The following PELI2 variants were observed in gnomAD, a reference collection of about 807,000 sequenced individuals.
PELI2 encodes E3 ubiquitin-protein ligase pellino homolog 2.
A neutral mutation model predicts 42.3 loss-of-function variants in PELI2; 23 were observed. The ratio of observed to expected loss-of-function variants is 0.54; its 90% CI spans 0.39 to 0.77. The LOEUF (loss-of-function observed/expected upper bound fraction) is 0.77, where lower values mean the gene tolerates loss of function less well. Among genes scored for constraint, PELI2 ranks in the 30% least tolerant of loss-of-function variants. The pLI is 0.00. For synonymous variants in PELI2, 245 were observed against 212.2 expected (o/e 1.15, Z -1.34); for missense variants, 463 against 553.2 (o/e 0.84, Z 1.64).
chr14:56,254,829 A>G (rs1045580985), intron 2 of PELI2, among the ~76,000 whole-genome samples: 16 of 152,258 alleles, frequency 1.1e-4, no homozygotes, highest in African/African-American at 3.9e-4. Context: ...TGGGCGAAGG[A>G]TATGAACAGA....
intron 2 of PELI2, among the ~76,000 whole-genome samples, chr14:56,243,382 A>G (rs764848444): frequency 2.6e-5 from 4 of 152,122 alleles, no homozygotes; most frequent in Non-Finnish European, 5.9e-5. Context: ...ACAGGCACTG[A>G]TCTCTGCAGG....
At chr14:56,251,643 C>T (rs1343002286) in intron 2 of PELI2, among the ~76,000 whole-genome samples, 1 of 152,186 alleles carries the variant, frequency 6.6e-6, no homozygotes, top group Non-Finnish European at 1.5e-5. Context: ...CTGTTTCAGT[C>T]TCGTCATACC....
In PELI2 at chr14:56,118,642, G is replaced by C. The variant is rs1041604616; in HGVS notation, c.-19G>C. The C allele has an allele frequency of 7.3e-7, 1 of 1,376,966 alleles. No homozygotes were observed. The highest frequency in any genetic ancestry group is 3.4e-5 in the Admixed American group (1 of 29,448). The allele number at this position is 1,376,966 out of a possible 1,614,324, so 85.3% of individuals were successfully genotyped here. On this transcript the variant is annotated 5_prime_UTR_variant, in exon 1 of 6. Coordinates refer to ENST00000267460, the MANE Select transcript of PELI2 (RefSeq NM_021255.3). ...AGGCGGCGGCGTCGGCGGCGGCGTC[G>C]GCGGCCGAGCGGGGCTCCATGTTTT...
intron 2 of PELI2, among the ~76,000 whole-genome samples, chr14:56,241,770 A>C (rs1887985061): frequency 6.6e-6 from 1 of 152,176 alleles, no homozygotes; most frequent in African/African-American, 2.4e-5. Context: ...CCTAATGATA[A>C]AGCTGCACGC....
chr14:56,235,521 G>C (rs544821631), intron 2 of PELI2, among the ~76,000 whole-genome samples: 4 of 152,322 alleles, frequency 2.6e-5, no homozygotes, highest in Admixed American at 6.5e-5. Context: ...TTAGAGCCAG[G>C]CCTAGAGCTG....
At position 56,299,415 on chromosome 14, in the gene PELI2, A is replaced by G. The variant is rs780072834; in HGVS notation, c.*2249A>G. 3.9e-5 allele frequency: 6 copies of G among 152,288 alleles called. No homozygotes were observed. The highest frequency in any genetic ancestry group is 5.9e-5 in the Non-Finnish European group (4 of 68,030). The allele number at this position is 152,288 out of a possible 1,614,324, so 9.4% of individuals were successfully genotyped here. On this transcript the variant is annotated 3_prime_UTR_variant, in exon 6 of 6. Transcript: ENST00000267460. ...TTAAATATAAGTTGAAATTTGGGAA[A>G]TAATTTCCAAGCTCTTGGAAGGGGT...
chr14:56,217,329 G>T (rs1886943162), intron 2 of PELI2, among the ~76,000 whole-genome samples: 2 of 152,236 alleles, frequency 1.3e-5, no homozygotes, highest in Admixed American at 6.5e-5. Context: ...TGTCTTCTGG[G>T]AGGGGAATGG....
chr14:56,209,881 C>T (rs973495706), intron 2 of PELI2, among the ~76,000 whole-genome samples: 1 of 152,194 alleles, frequency 6.6e-6, no homozygotes, highest in African/African-American at 2.4e-5. Flanking sequence ...ATTGCTAGCG[C>T]AGCAGGGTCA....
chr14:56,255,630 T>C (rs1477487940), intron 2 of PELI2, among the ~76,000 whole-genome samples: 2 of 152,122 alleles, frequency 1.3e-5, no homozygotes, highest in Non-Finnish European at 2.9e-5. Flanking sequence ...ACCTAAAGTA[T>C]AATTTTTTAA....
intron 2 of PELI2, among the ~76,000 whole-genome samples, chr14:56,272,187 G>A (rs1305938904): frequency 6.6e-6 from 1 of 152,178 alleles, no homozygotes; most frequent in African/African-American, 2.4e-5. Context: ...AACAATAACT[G>A]CAGTTCTATA....
intron 1 of PELI2, among the ~76,000 whole-genome samples, chr14:56,129,022 T>C (rs1047812752): frequency 6.6e-6 from 1 of 151,992 alleles, no homozygotes; most frequent in Non-Finnish European, 1.5e-5. Context: ...GCTGAGAGGC[T>C]GAGGGATATC....
intron 2 of PELI2, among the ~76,000 whole-genome samples, chr14:56,233,710 C>G (rs1265956149): frequency 1.3e-5 from 2 of 152,196 alleles, no homozygotes; most frequent in African/African-American, 4.8e-5. Context: ...GACTTCATGA[C>G]TGTAATACCG....
At chr14:56,181,949 C>T (rs1177624916) in intron 2 of PELI2, among the ~76,000 whole-genome samples, 2 of 152,128 alleles carry the variant, frequency 1.3e-5, no homozygotes, top group African/African-American at 4.8e-5. Context: ...TTTATTCACC[C>T]ATCCATTTAT....
intron 2 of PELI2, among the ~76,000 whole-genome samples, chr14:56,209,856 TC>T (rs960616860): frequency 1.3e-5 from 2 of 152,234 alleles, no homozygotes; most frequent in African/African-American, 4.8e-5. Context: ...CCACTGGTTT[TC>T]AAAGAACTGG....
At chr14:56,140,155 A>C (rs1035222659) in intron 1 of PELI2, among the ~76,000 whole-genome samples, 1 of 152,022 alleles carries the variant, frequency 6.6e-6, no homozygotes, top group Non-Finnish European at 1.5e-5. Context: ...GGGTGCTTCA[A>C]TTGAGTGCTG....
In PELI2 at chr14:56,246,005, T is replaced by C. The variant is rs544292955; in HGVS notation, c.208-33671T>C. Among the ~76,000 whole-genome samples the C allele has an allele frequency of 3.9e-4, 59 of 152,336 alleles. 1 individual carries two copies. The highest frequency in any genetic ancestry group is 1.2e-3 in the African/African-American group (51 of 41,578). On this transcript the variant is annotated intron_variant, in intron 2 of 5. Coordinates refer to ENST00000267460, the MANE Select transcript of PELI2 (RefSeq NM_021255.3). Reference sequence around the variant, plus strand: ...TCCACCATGGACATTGAAAGATGACTGTAGCTACTAAACTAATAGACTTTT... The same window carrying C: ...TCCACCATGGACATTGAAAGATGACCGTAGCTACTAAACTAATAGACTTTT...
At chr14:56,194,502 T>C (rs915460015) in intron 2 of PELI2, among the ~76,000 whole-genome samples, 21 of 152,216 alleles carry the variant, frequency 1.4e-4, no homozygotes, top group Non-Finnish European at 2.9e-4. Context: ...CAGTGGACAT[T>C]TGTGAATGGA....
At chr14:56,165,359 T>C (rs1044379764) in intron 1 of PELI2, among the ~76,000 whole-genome samples, 2 of 152,222 alleles carry the variant, frequency 1.3e-5, no homozygotes, top group Non-Finnish European at 2.9e-5. Context: ...TATTAATTTC[T>C]ACTTTTATTC....
At chr14:56,182,972 G>A (rs1376724653) in intron 2 of PELI2, among the ~76,000 whole-genome samples, 3 of 151,968 alleles carry the variant, frequency 2.0e-5, no homozygotes, top group Non-Finnish European at 2.9e-5. Context: ...TCGGTGCTTC[G>A]GGAGAGTCAT....
Sources: allele counts gnomAD v4.1 joint callset (sites outside exome capture counted in the v4.1 genomes callset), GRCh38; gene constraint gnomAD v4.1.1; transcripts MANE v1.5; gene names NCBI Gene and HGNC (gene_info 2026-07-23, HGNC 2026-07-21).